Variants in ATCAY observed in about 807,000 individuals in gnomAD.
ATCAY encodes ATCAY kinesin light chain interacting caytaxin, also known as caytaxin.
ATCAY carries 22 observed loss-of-function variants against 47.7 expected under a neutral mutation model. The observed-to-expected ratio is 0.46, with a 90% CI of 0.33 to 0.66. ATCAY has a LOEUF of 0.66. Ranked by LOEUF, ATCAY falls within the 30% of genes least tolerant of loss-of-function variation. ATCAY has a pLI of 0.02. For synonymous variants in ATCAY, 216 were observed against 207.6 expected, an observed-to-expected ratio of 1.04 and a Z score of -0.35; for missense variants, 452 against 515.0, an observed-to-expected ratio of 0.88 and a Z score of 1.18.
rs770494238 is a variant in ATCAY, at chr19:3,913,797, G to A, written c.906G>A (p.Leu302=). 27 of 1,613,760 alleles carry A rather than the reference G, an allele frequency of 1.7e-5. No homozygotes were observed. Among genetic ancestry groups the A allele is most frequent in the Non-Finnish European group, 1.9e-5 (23 of 1,179,870 alleles). ...FINKIQYVHS[L]EDLEQLIPME... is the part of the protein sequence containing the mutation. ...ACAAGATCCAGTACGTGCACAGCTT[G>A]GAAGACCTGGAGCAACTCATCCCTA... The change falls in exon 9 of 13, where the codon TTG becomes TTA. Residue 302 remains leucine, a synonymous_variant. Coordinates refer to ENST00000450849, the MANE Select transcript of ATCAY (RefSeq NM_033064.5).
At chr19:3,884,470 G>T (rs2038629600) in intron 1 of ATCAY, among the ~76,000 whole-genome samples, 1 of 151,988 alleles carries the variant, frequency 6.6e-6, no homozygotes, top group Admixed American at 6.6e-5. Context: ...GATAGCGATG[G>T]GTTAGAGCCT....
Position 3,903,966 on chromosome 19 carries a change from G to A in ATCAY, c.136+1421G>A, listed in dbSNP as rs1448864804. On this transcript the variant is annotated intron_variant, in intron 3 of 12. Transcript: ENST00000450849. ...AACCTGGCCAACATGGTGAAGCCCC[G>A]TCTCTACTAAAGATACAAAAAAAAA... Among the ~76,000 whole-genome samples the A allele has an allele frequency of 4.3e-5, 6 of 138,476 alleles. No individual in the cohort carries two copies. In the South Asian group the frequency reaches 1.1e-3, roughly 26 times the overall value. 90.8% of individuals were successfully genotyped at this position (138,476 alleles called of 152,430 possible).
chr19:3,885,006 G>A (rs1326000391), intron 1 of ATCAY, among the ~76,000 whole-genome samples: 1 of 151,374 alleles, frequency 6.6e-6, no homozygotes. Context: ...GGGGGGCTGA[G>A]GCAGGAGGAT....
chr19:3,902,821 C>A (rs989666926), intron 3 of ATCAY, among the ~76,000 whole-genome samples: 1 of 152,176 alleles, frequency 6.6e-6, no homozygotes, highest in Non-Finnish European at 1.5e-5. Flanking sequence ...AGGTAGCGAG[C>A]TTCTCGCAGA....
chr19:3,893,164 A>G (rs12459730), intron 2 of ATCAY, among the ~76,000 whole-genome samples: 18,489 of 118,380 alleles, frequency 0.16, 1,437 homozygotes, highest in Admixed American at 0.27. Flanking sequence ...TGTGGGGGGG[A>G]CCCCCACTTT....
At chr19:3,922,045 C>A in intron 12 of ATCAY, 1 of 656,790 alleles carries the variant, frequency 1.5e-6, no homozygotes, top group South Asian at 1.7e-5. Context: ...GGATGTGTGG[C>A]AAAACACACA....
rs140914543 is a variant in ATCAY at position 3,907,929 on chromosome 19, G to GC, written c.544+16dup. On this transcript the variant is annotated intron_variant, in intron 5 of 12. Coordinates refer to ENST00000450849, the MANE Select transcript of ATCAY (RefSeq NM_033064.5). This position sits in a 1 kb window ranked among gnomAD's most constrained non-coding sequence, Gnocchi z 5.1. ...GTGGTCACCCACGGAGGTGAGACCC[G>GC]CCCCCCGGTGCCCCCTTGGGGCTCC... 1,907 of 1,608,552 alleles carry GC rather than the reference G, an allele frequency of 1.2e-3. 33 individuals are homozygous for GC. In the African/African-American group the frequency reaches 0.022, roughly 19 times the overall value.
At chr19:3,908,481 C>T (rs1237573511) in intron 6 of ATCAY, 111 bp downstream of exon 6, 2 of 1,024,682 alleles carry the variant, frequency 2.0e-6, no homozygotes, top group Non-Finnish European at 3.0e-6. Flanking sequence ...CTGCCTGGCA[C>T]CAGGGAAGGG....
At chr19:3,891,231 C>T (rs889089059) in intron 2 of ATCAY, among the ~76,000 whole-genome samples, 8 of 151,652 alleles carry the variant, frequency 5.3e-5, no homozygotes, top group African/African-American at 1.5e-4. Flanking sequence ...TTTGTATTTT[C>T]GTTAGAGACA....
chr19:3,914,619 G>A (rs1599145267), intron 9 of ATCAY, among the ~76,000 whole-genome samples: 1 of 151,972 alleles, frequency 6.6e-6, no homozygotes, highest in Non-Finnish European at 1.5e-5. Flanking sequence ...TCAGGAGTTC[G>A]AGACTAGCCT....
chr19:3,914,704 C>A (rs1568451953), intron 9 of ATCAY, among the ~76,000 whole-genome samples: 3 of 151,798 alleles, frequency 2.0e-5, no homozygotes, highest in Non-Finnish European at 4.4e-5. Flanking sequence ...GCCTGTAATC[C>A]CAGATACTGA....
intron 2 of ATCAY, among the ~76,000 whole-genome samples, chr19:3,895,438 C>T (rs2038760939): frequency 6.6e-6 from 1 of 152,166 alleles, no homozygotes; most frequent in Non-Finnish European, 1.5e-5. Context: ...TGGTCTCGAA[C>T]TCCTGACCTC....
intron 1 of ATCAY, among the ~76,000 whole-genome samples, chr19:3,881,334 A>G (rs545014820): frequency 1.4e-4 from 21 of 145,808 alleles, no homozygotes; most frequent in Admixed American, 3.6e-4. Flanking sequence ...TCCTAGCCCT[A>G]TGTATTTCCT....
chr19:3,895,105 C>T (rs2038756984), intron 2 of ATCAY: 3 of 455,996 alleles, frequency 6.6e-6, no homozygotes, highest in African/African-American at 4.0e-5. Flanking sequence ...TTATTGTCTT[C>T]CTTTATATAC....
chr19:3,907,601 C>A lies in ATCAY; in HGVS notation c.359-133C>A. 1 of 1,088,836 alleles carries A rather than the reference C, an allele frequency of 9.2e-7. No individual in the cohort carries two copies. The highest frequency in any genetic ancestry group is 1.3e-6 in the Non-Finnish European group (1 of 757,948). 67.4% of individuals were successfully genotyped at this position (1,088,836 alleles called of 1,614,324 possible). ...AGAGGAAAATGGGTCAGCAGGGCAG[C>A]CAGGTGGGGAGAAGCGAAGGACTTG... On this transcript the variant is annotated intron_variant, in intron 4 of 12. Coordinates refer to ENST00000450849, the MANE Select transcript of ATCAY (RefSeq NM_033064.5). The surrounding 1 kb of genome is among the most constrained non-coding windows in gnomAD (Gnocchi z 5.1).
chr19:3,903,982 C>CAAAAAA lies in ATCAY; in HGVS notation c.137-1436_137-1431dup, dbSNP rs59631453. Among the ~76,000 whole-genome samples the CAAAAAA allele has an allele frequency of 9.7e-3, 763 of 79,016 alleles. 4 individuals are homozygous for CAAAAAA. Among genetic ancestry groups the CAAAAAA allele is most frequent in the Admixed American group, 0.032 (242 of 7,472 alleles). The allele number at this position is 79,016 out of a possible 152,430, so 51.8% of individuals were successfully genotyped here. A position where few individuals can be genotyped will look rare whatever the true frequency, so the allele number is the denominator to read the frequency against. The stretch of plus-strand genomic sequence containing the variant: ...TGAAGCCCCGTCTCTACTAAAGATA[C>CAAAAAA]AAAAAAAAAAAAAAAAAAAAATTAG... On this transcript the variant is annotated intron_variant, in intron 3 of 12. Transcript: ENST00000450849.
At chr19:3,905,724 T>G (rs921448717) in intron 4 of ATCAY, 69 bp downstream of exon 4, 3 of 1,412,020 alleles carry the variant, frequency 2.1e-6, no homozygotes, top group Non-Finnish European at 2.9e-6. Flanking sequence ...CGTCTCTGGA[T>G]TCCCATAGGC....
Position 3,924,812 on chromosome 19 carries a change from A to G in ATCAY, c.*220A>G. On this transcript the variant is annotated 3_prime_UTR_variant, in exon 13 of 13. Coordinates refer to ENST00000450849, the MANE Select transcript of ATCAY (RefSeq NM_033064.5). Reference sequence around the variant, plus strand: ...ACGATGCAGTATTTGTGCGTTCCAGAAAAGGGCCCAGCTCTGAGCCCCTCA... The same window carrying G: ...ACGATGCAGTATTTGTGCGTTCCAGGAAAGGGCCCAGCTCTGAGCCCCTCA... 1 of 551,074 alleles carries G rather than the reference A, an allele frequency of 1.8e-6. No individual in the cohort carries two copies. Among genetic ancestry groups the G allele is most frequent in the Admixed American group, 3.1e-5 (1 of 31,932 alleles). 34.1% of individuals were successfully genotyped at this position (551,074 alleles called of 1,614,324 possible).
chr19:3,919,923 T>C (rs569147999), intron 11 of ATCAY, among the ~76,000 whole-genome samples: 7 of 152,210 alleles, frequency 4.6e-5, no homozygotes, highest in Admixed American at 1.3e-4. Context: ...TGAAGGGCCT[T>C]GGCCAATTTC....
Sources: gnomAD v4.1 joint callset for allele counts (sites outside exome capture counted in the v4.1 genomes callset) on GRCh38, gnomAD v4.1.1 for gene constraint, Gnocchi (gnomAD v3.1) non-coding constraint, MANE v1.5 for transcripts, NCBI Gene and HGNC (gene_info 2026-07-23, HGNC 2026-07-21) for gene names.